Variants in AASDH observed in about 807,000 individuals in gnomAD.
AASDH encodes the protein beta-alanine-activating enzyme.
A neutral mutation model predicts 102.3 loss-of-function variants in AASDH; 81 were observed. The observed-to-expected ratio is 0.79, with a 90% CI of 0.66 to 0.95. The LOEUF is 0.95. Among genes scored for constraint, AASDH ranks in the 40% least tolerant of loss-of-function variants. The pLI is 0.00. For missense variants in AASDH, 1,203 were observed against 1,266.2 expected (o/e 0.95, Z 0.76); for synonymous variants, 398 against 454.0 (o/e 0.88, Z 1.57).
intron 5 of AASDH, 125 bp downstream of exon 5, chr4:56,371,326 C>T: frequency 1.0e-6 from 1 of 956,758 alleles, no homozygotes. Context: ...GAGGAGACGG[C>T]CCTTGATAAT....
intron 5 of AASDH, among the ~76,000 whole-genome samples, chr4:56,370,975 A>G (rs1055464698): frequency 1.3e-5 from 2 of 152,246 alleles, no homozygotes; most frequent in African/African-American, 4.8e-5. Context: ...CCTAATCACC[A>G]GTCAGATACA....
intron 14 of AASDH, 108 bp from the exon 15 acceptor site, chr4:56,338,899 G>A: frequency 9.0e-7 from 1 of 1,109,304 alleles, no homozygotes; most frequent in Non-Finnish European, 1.3e-6. Context: ...TAGGCTATTT[G>A]AATGGTAACT....
At chr4:56,353,284 T>C in intron 9 of AASDH, 120 bp downstream of exon 9, 1 of 770,522 alleles carries the variant, frequency 1.3e-6, no homozygotes. Flanking sequence ...CAAAAGAGGG[T>C]CTATCACAAT....
intron 2 of AASDH, among the ~76,000 whole-genome samples, chr4:56,383,612 G>A (rs1753225829): frequency 6.6e-6 from 1 of 152,120 alleles, no homozygotes; most frequent in Admixed American, 6.6e-5. Context: ...TGTTGGAATA[G>A]TGTCTTCTAA....
At chr4:56,355,735 C>T (rs1389593045) in intron 5 of AASDH, among the ~76,000 whole-genome samples, 4 of 151,744 alleles carry the variant, frequency 2.6e-5, no homozygotes, top group Non-Finnish European at 4.4e-5. Context: ...CATCCCACCT[C>T]AGCCTCCTGA....
chr4:56,380,946 C>G (rs964962952), intron 3 of AASDH, among the ~76,000 whole-genome samples: 2 of 152,170 alleles, frequency 1.3e-5, no homozygotes, highest in African/African-American at 2.4e-5. Flanking sequence ...ACAGTAGATG[C>G]TTAAAAATAC....
chr4:56,341,389 CTTTTT>C lies in AASDH; in HGVS notation c.2907+1441_2907+1445del, dbSNP rs575687659. On this transcript the variant is annotated intron_variant, in intron 14 of 14. Transcript: ENST00000205214. ...CATGGATGGAACTGGAGACTTTTAT[CTTTTT>C]TTTTTTTTTTTTTTTTGGAGACAGA... Among the ~76,000 whole-genome samples the C allele has an allele frequency of 6.3e-4, 58 of 92,402 alleles. 1 individual carries two copies. In the East Asian group the frequency reaches 0.011, roughly 17 times the overall value. 60.6% of individuals were successfully genotyped at this position (92,402 alleles called of 152,430 possible).
At chr4:56,350,560 C>T (rs1748886443) in intron 10 of AASDH, among the ~76,000 whole-genome samples, 1 of 151,894 alleles carries the variant, frequency 6.6e-6, no homozygotes. Context: ...CACTGTACTA[C>T]CAATTTTGTC....
At chr4:56,365,107 C>G (rs1384113311) in intron 5 of AASDH, among the ~76,000 whole-genome samples, 1 of 151,968 alleles carries the variant, frequency 6.6e-6, no homozygotes, top group Non-Finnish European at 1.5e-5. Flanking sequence ...CAACAAAGAT[C>G]AAAAGAGACA....
At chr4:56,364,074 C>T (rs891691857) in intron 5 of AASDH, among the ~76,000 whole-genome samples, 1 of 152,128 alleles carries the variant, frequency 6.6e-6, no homozygotes, top group Non-Finnish European at 1.5e-5. Flanking sequence ...GATGAATGCA[C>T]AAGCCTCAGT....
intron 4 of AASDH, among the ~76,000 whole-genome samples, chr4:56,372,198 T>G (rs1032900751): frequency 6.6e-6 from 1 of 152,182 alleles, no homozygotes; most frequent in Non-Finnish European, 1.5e-5. Flanking sequence ...GCAATTAATC[T>G]CCCTTCTTCC....
Position 56,349,803 on chromosome 4 carries a change from C to A in AASDH, c.1948G>T (p.Asp650Tyr). The A allele has an allele frequency of 6.2e-7, 1 of 1,614,144 alleles. No homozygotes were observed. The highest frequency in any genetic ancestry group is 8.5e-7 in the Non-Finnish European group (1 of 1,180,014). The stretch of plus-strand genomic sequence containing the variant: ...CCACTGGCTTCCTCTTGATTAATGT[C>A]GCTGAGTTTCCTTTTTGTGGCACAA... ...KSCATKRKLS[D>Y]INQEEASGTS... Residue 650 changes from aspartate (D) to tyrosine (Y), a missense_variant, in exon 11 of 15, where the codon GAC (aspartate) becomes TAC (tyrosine). Transcript: ENST00000205214.
At chr4:56,373,067 G>A (rs1210285975) in intron 4 of AASDH, among the ~76,000 whole-genome samples, 3 of 152,126 alleles carry the variant, frequency 2.0e-5, no homozygotes, top group Non-Finnish European at 4.4e-5. Flanking sequence ...TTTCAGACAA[G>A]GTAAGTAAGA....
Position 56,338,703 on chromosome 4 carries a change from C to G in AASDH, c.2996G>C (p.Cys999Ser), listed in dbSNP as rs369695347. The part of the protein sequence containing the change: ...EQKIFFGSHD[C>S]FIYCCNMKGH... ...TTTCATGTTACAACAGTAGATAAAG[C>G]AATCATGGGAACCAAAAAATATTTT... The change falls in exon 15 of 15, where the codon TGC becomes TCC. Residue 999 changes from cysteine (C) to serine (S), a missense_variant. Cys to Ser is a moderately radical substitution (Grantham distance 112). Transcript: ENST00000205214. The G allele has an allele frequency of 9.9e-6, 16 of 1,614,018 alleles. No homozygotes were observed. In the African/African-American group the frequency reaches 2.1e-4, roughly 22 times the overall value.
intron 1 of AASDH, among the ~76,000 whole-genome samples, chr4:56,386,603 C>A (rs184473577): frequency 2.0e-3 from 301 of 150,808 alleles, no homozygotes; most frequent in Non-Finnish European, 3.7e-3. Context: ...ACCATCCTGG[C>A]TAACAAGGTG....
chr4:56,374,436 C>T (rs977027545), intron 4 of AASDH, among the ~76,000 whole-genome samples: 2 of 151,594 alleles, frequency 1.3e-5, no homozygotes, highest in Non-Finnish European at 2.9e-5. Flanking sequence ...TGGAGCTTCC[C>T]TTATCTGACT....
rs944930089 is a variant in AASDH at position 56,351,359 on chromosome 4, A to G, written c.1675T>C (p.Leu559=). Residue 559 remains leucine, a synonymous_variant, in exon 10 of 15, where the codon TTA becomes CTA. Transcript: ENST00000205214. The part of the protein sequence containing the change: ...LSGKEDLWEK[L]QYLWKSTLNL... ...AATTGTACCTTCCACAAATACTGTA[A>G]TTTTTCCCAAAGGTCCTCTTTCCCA... 2 of 1,582,916 alleles carry G rather than the reference A, an allele frequency of 1.3e-6. No homozygotes were observed. Among genetic ancestry groups the G allele is most frequent in the Non-Finnish European group, 1.7e-6 (2 of 1,156,202 alleles).
chr4:56,354,155 T>C lies in AASDH; in HGVS notation c.1267A>G (p.Met423Val), dbSNP rs765942701. 7 of 1,611,962 alleles carry C rather than the reference T, an allele frequency of 4.3e-6. No individual in the cohort carries two copies. The highest frequency in any genetic ancestry group is 5.9e-6 in the Non-Finnish European group (7 of 1,178,800). Reference protein sequence around the residue: ...DDEVTVPLGTMRATGDFVTVK... With the variant: ...DDEVTVPLGTVRATGDFVTVK... ...GTCACAAAGTCTCCTGTAGCTCGCATTGTGCCAAGTGGTACTGTCACTTCA... is the reference window on the plus strand; with the variant it reads ...GTCACAAAGTCTCCTGTAGCTCGCACTGTGCCAAGTGGTACTGTCACTTCA... The change falls in exon 8 of 15, where the codon ATG (methionine) becomes GTG (valine). Residue 423 changes from methionine (M) to valine (V), a missense_variant. Met to Val is a conservative substitution (Grantham distance 21). Transcript: ENST00000205214.
chr4:56,352,426 C>G (rs914333730), intron 9 of AASDH, among the ~76,000 whole-genome samples: 2 of 152,186 alleles, frequency 1.3e-5, no homozygotes, highest in Non-Finnish European at 2.9e-5. Flanking sequence ...TGGAGTCTCA[C>G]TCTGTTGCCT....
Sources: gnomAD v4.1 joint callset for allele counts (sites outside exome capture counted in the v4.1 genomes callset) on GRCh38, gnomAD v4.1.1 for gene constraint, MANE v1.5 for transcripts, NCBI Gene and HGNC (gene_info 2026-07-23, HGNC 2026-07-21) for gene names.